The following TINAG variants were observed in gnomAD, a reference collection of about 807,000 sequenced individuals.
TINAG encodes tubulointerstitial nephritis antigen.
TINAG carries 83 observed loss-of-function variants against 72.7 expected under a neutral mutation model. The ratio of observed to expected loss-of-function variants is 1.14; its 90% CI spans 0.96 to 1.37. TINAG has a LOEUF of 1.37. TINAG is among the 40% of genes most tolerant of loss of function. The pLI, the probability that TINAG is intolerant of heterozygous loss-of-function variation, is 0.00. For missense variants in TINAG, 685 were observed against 576.6 expected (o/e 1.19, Z -1.93); for synonymous variants, 234 against 189.9 (o/e 1.23, Z -1.91).
intron 10 of TINAG, among the ~76,000 whole-genome samples, chr6:54,388,268 A>C (rs1764156398): frequency 6.6e-6 from 1 of 152,174 alleles, no homozygotes; most frequent in African/African-American, 2.4e-5. Context: ...ACTCTCACAC[A>C]CATTGACGCT....
At chr6:54,369,787 C>T (rs1017721061) in intron 9 of TINAG, 1 of 151,912 alleles carries the variant, frequency 6.6e-6, no homozygotes, top group African/African-American at 2.4e-5. Context: ...TAAATTTAAT[C>T]TGAGTTGAAA....
rs554954886 is a variant in TINAG at position 54,333,458 on chromosome 6, G to A, written c.624+6542G>A. Among the ~76,000 whole-genome samples the A allele has an allele frequency of 3.3e-5, 5 of 152,010 alleles. No homozygotes were observed. The East Asian group carries it at 9.7e-4, about 29-fold the overall frequency. ...CAGGGAGGGGAACATCATGCACTGG[G>A]GCCTGTCGGGGGATTGGGGGCTAGG... is the stretch of plus-strand genomic sequence containing the variant. On this transcript the variant is annotated intron_variant, in intron 4 of 10. Transcript: ENST00000259782.
chr6:54,364,370 G>A (rs1221644673), intron 9 of TINAG, among the ~76,000 whole-genome samples: 1 of 151,482 alleles, frequency 6.6e-6, no homozygotes, highest in East Asian at 1.9e-4. Flanking sequence ...TCAACTCAAA[G>A]ATTGATATGT....
intron 9 of TINAG, among the ~76,000 whole-genome samples, chr6:54,374,411 T>C (rs9474825): frequency 0.17 from 25,169 of 152,026 alleles, 2,217 homozygotes; most frequent in Non-Finnish European, 0.18. Context: ...TAAGTGGTGG[T>C]AGGGAATGCC....
intron 5 of TINAG, among the ~76,000 whole-genome samples, chr6:54,344,174 T>C (rs1785066502): frequency 6.6e-6 from 1 of 152,174 alleles, no homozygotes; most frequent in Non-Finnish European, 1.5e-5. Flanking sequence ...CATTGAAGGA[T>C]TGTGAACAAG....
chr6:54,388,467 T>C (rs1310343714), intron 10 of TINAG, among the ~76,000 whole-genome samples: 1 of 152,194 alleles, frequency 6.6e-6, no homozygotes, highest in East Asian at 1.9e-4. Context: ...TGGCAATTTC[T>C]GATGCTGAGT....
chr6:54,367,913 C>T, intron 9 of TINAG, among the ~76,000 whole-genome samples: 1 of 151,678 alleles, frequency 6.6e-6, no homozygotes. Context: ...TTGCTGTGTC[C>T]TCACACAGGG....
chr6:54,379,942 C>A (rs993315369), intron 9 of TINAG, among the ~76,000 whole-genome samples: 1 of 151,996 alleles, frequency 6.6e-6, no homozygotes, highest in African/African-American at 2.4e-5. Flanking sequence ...CCCCGACCCC[C>A]AAACAGGCCC....
rs112401857 is a variant in TINAG at position 54,355,559 on chromosome 6, A to C, written c.1250+923A>C. ...TTATTTTAAATACTCTAATATTTCA[A>C]TTACAAAATTATCACATTTCTTTGA... On this transcript the variant is annotated intron_variant, in intron 9 of 10. Transcript: ENST00000259782. 2.6e-5 allele frequency among the ~76,000 whole-genome samples: 4 copies of C among 151,918 alleles called. No homozygotes were observed. In the East Asian group the frequency reaches 7.8e-4, roughly 29 times the overall value.
chr6:54,332,676 C>T (rs1784769104), intron 4 of TINAG, among the ~76,000 whole-genome samples: 1 of 152,164 alleles, frequency 6.6e-6, no homozygotes, highest in Non-Finnish European at 1.5e-5. Flanking sequence ...TCAGAGTGAA[C>T]AGGCAACCTA....
chr6:54,362,357 T>C (rs1251480451), intron 9 of TINAG, among the ~76,000 whole-genome samples: 1 of 151,654 alleles, frequency 6.6e-6, no homozygotes, highest in Non-Finnish European at 1.5e-5. Context: ...TTAAGAGTTA[T>C]GCTAAATTAA....
intron 1 of TINAG, among the ~76,000 whole-genome samples, chr6:54,311,305 C>T (rs1163119908): frequency 6.6e-6 from 1 of 152,090 alleles, no homozygotes; most frequent in African/African-American, 2.4e-5. Flanking sequence ...CCTGTTCCCT[C>T]CATGGTGGGT....
chr6:54,349,790 G>A lies in TINAG; in HGVS notation c.974G>A (p.Arg325Lys), dbSNP rs1305553341. 6.2e-7 allele frequency: 1 copy of A among 1,606,986 alleles called. No homozygotes were observed. The highest frequency in any genetic ancestry group is 1.3e-5 in the African/African-American group (1 of 74,786). ...ATNNGCAMAS[R>K]SDGRGKRHAT... Reference sequence around the variant, plus strand: ...AACAATGGATGTGCCATGGCAAGCAGGTCTGATGGGCGAGGAAAACGGCAT... The same window carrying A: ...AACAATGGATGTGCCATGGCAAGCAAGTCTGATGGGCGAGGAAAACGGCAT... The change falls in exon 7 of 11, where the codon AGG becomes AAG. Residue 325 changes from arginine (R) to lysine (K), a missense_variant. Physicochemically the swap from Arg to Lys is conservative, Grantham distance 26. Transcript: ENST00000259782.
intron 4 of TINAG, among the ~76,000 whole-genome samples, chr6:54,341,251 T>C (rs1298120882): frequency 6.6e-6 from 1 of 152,172 alleles, no homozygotes; most frequent in Non-Finnish European, 1.5e-5. Context: ...AAGATATGTA[T>C]ATTTCTGCCT....
chr6:54,329,070 A>C (rs927605050), intron 4 of TINAG, among the ~76,000 whole-genome samples: 1 of 152,060 alleles, frequency 6.6e-6, no homozygotes, highest in Non-Finnish European at 1.5e-5. Flanking sequence ...ATCCAGGAAA[A>C]CTTCCCCAAC....
chr6:54,372,755 TATATATA>T (rs1287358156), intron 9 of TINAG, among the ~76,000 whole-genome samples: 177 of 21,572 alleles, frequency 8.2e-3, no homozygotes, highest in African/African-American at 0.036. Flanking sequence ...TATATATATA[TATATATA>T]TATATATATA....
At position 54,375,571 on chromosome 6, in the gene TINAG, C is replaced by T. The variant is rs140844918; in HGVS notation, c.1251-4955C>T. 7.7e-3 allele frequency among the ~76,000 whole-genome samples: 1,166 copies of T among 152,286 alleles called. 14 individuals carry two copies. The highest frequency in any genetic ancestry group is 0.025 in the African/African-American group (1,050 of 41,572). On this transcript the variant is annotated intron_variant, in intron 9 of 10. Transcript: ENST00000259782. ...TTCCATATAAATTGGCCAACAAATT[C>T]CATCACTTTTACCTTCTAAGTAGTT...
chr6:54,372,854 T>C (rs2150977115), intron 9 of TINAG, among the ~76,000 whole-genome samples: 1 of 151,428 alleles, frequency 6.6e-6, no homozygotes, highest in African/African-American at 2.4e-5. Context: ...GCTATGGCAA[T>C]TTGCAATGTC....
At chr6:54,366,017 A>G (rs927638104) in intron 9 of TINAG, among the ~76,000 whole-genome samples, 2 of 151,654 alleles carry the variant, frequency 1.3e-5, no homozygotes, top group African/African-American at 4.8e-5. Context: ...ATAAAGTAAT[A>G]CATGCTTTTG....
Sources: gnomAD v4.1 joint callset for allele counts (sites outside exome capture counted in the v4.1 genomes callset) on GRCh38, gnomAD v4.1.1 for gene constraint, MANE v1.5 for transcripts, NCBI Gene and HGNC (gene_info 2026-07-23, HGNC 2026-07-21) for gene names.